Variants in GFOD1 observed in about 807,000 individuals in gnomAD.
The protein encoded by GFOD1 is glucose-fructose oxidoreductase domain-containing protein 1.
GFOD1 carries 9 observed loss-of-function variants against 25.4 expected under a neutral mutation model. That is an observed-to-expected ratio of 0.35 (90% CI 0.21 to 0.62). The LOEUF (loss-of-function observed/expected upper bound fraction) is 0.62, where lower values mean the gene tolerates loss of function less well. Ranked by LOEUF, GFOD1 falls within the 20% of genes least tolerant of loss-of-function variation. The probability of loss-of-function intolerance (pLI) is 0.72; values close to 1 mark genes in which losing one functional copy is unlikely to be tolerated. For missense variants in GFOD1, 403 were observed against 556.9 expected (o/e 0.72, Z 2.78); for synonymous variants, 253 against 245.6 (o/e 1.03, Z -0.28).
At chr6:13,426,238 G>A (rs962013037) in intron 1 of GFOD1, among the ~76,000 whole-genome samples, 14 of 152,352 alleles carry the variant, frequency 9.2e-5, no homozygotes, top group Non-Finnish European at 2.1e-4. Flanking sequence ...GGAGTTCTGG[G>A]CCAAGAAGGC....
rs1784964027 is a variant in GFOD1, at chr6:13,362,537, T to G, written c.*2206A>C. On this transcript the variant is annotated 3_prime_UTR_variant, in exon 2 of 2. Coordinates refer to ENST00000379287, the MANE Select transcript of GFOD1 (RefSeq NM_018988.4). ...CATGGGCCTCTGTTCAAACTATTAT[T>G]GGGAGACTTCCATTCCAGCAAATCT... 6.6e-6 allele frequency: 1 copy of G among 152,004 alleles called. No individual in the cohort carries two copies. The highest frequency in any genetic ancestry group is 6.6e-5 in the Admixed American group (1 of 15,262). The allele number at this position is 152,004 out of a possible 1,614,324, so 9.4% of individuals were successfully genotyped here. A position where few individuals can be genotyped will look rare whatever the true frequency, so the allele number is the denominator to read the frequency against.
intron 1 of GFOD1, among the ~76,000 whole-genome samples, chr6:13,471,463 G>C (rs1032680696): frequency 6.6e-6 from 1 of 152,202 alleles, no homozygotes; most frequent in African/African-American, 2.4e-5. Flanking sequence ...AAACCTGAGG[G>C]AAGGCGGGTG....
chr6:13,404,781 G>A (rs958648359), intron 1 of GFOD1, among the ~76,000 whole-genome samples: 3 of 152,204 alleles, frequency 2.0e-5, no homozygotes, highest in African/African-American at 7.2e-5. Flanking sequence ...GGAGTTGTCT[G>A]CATGAGTAAT....
In GFOD1 at chr6:13,430,641, A is replaced by C. The variant is rs1757733717; in HGVS notation, c.253+55997T>G. Among the ~76,000 whole-genome samples, 1 of 152,034 alleles carries C rather than the reference A, an allele frequency of 6.6e-6. No homozygotes were observed. The highest frequency in any genetic ancestry group is 2.1e-4 in the South Asian group (1 of 4,814). ...TGTGTACAATGGGGAAGACTTAATG[A>C]AAGAAGCTCTTGGAGTCCACCTATG... On this transcript the variant is annotated intron_variant, in intron 1 of 1. Coordinates refer to ENST00000379287, the MANE Select transcript of GFOD1 (RefSeq NM_018988.4). This position sits in a 1 kb window ranked among gnomAD's most constrained non-coding sequence, Gnocchi z 4.1.
intron 1 of GFOD1, among the ~76,000 whole-genome samples, chr6:13,452,213 G>C (rs1212408736): frequency 6.6e-6 from 1 of 152,128 alleles, no homozygotes; most frequent in Non-Finnish European, 1.5e-5. Context: ...ATATTGAGAG[G>C]GGGAGGATGC....
In GFOD1 at chr6:13,431,155, TG is replaced by T. The variant is rs369532213; in HGVS notation, c.253+55482del. On this transcript the variant is annotated intron_variant, in intron 1 of 1. Coordinates refer to ENST00000379287, the MANE Select transcript of GFOD1 (RefSeq NM_018988.4). ...GTTGGAGAAGGGAAACTGAAATCTA[TG>T]GGCCTGAGGTTAGTGGTGGTGGGGA... Among the ~76,000 whole-genome samples, 716 of 152,324 alleles carry T rather than the reference TG, an allele frequency of 4.7e-3. 5 individuals are homozygous for T. Among genetic ancestry groups the T allele is most frequent in the African/African-American group, 0.017 (691 of 41,552 alleles).
intron 1 of GFOD1, among the ~76,000 whole-genome samples, chr6:13,455,561 TA>T (rs1362371694): frequency 2.0e-5 from 3 of 151,872 alleles, no homozygotes; most frequent in East Asian, 1.9e-4. Flanking sequence ...GGCAAAGGAG[TA>T]AACATTAAGC....
chr6:13,469,659 A>T, intron 1 of GFOD1: 1 of 1,161,306 alleles, frequency 8.6e-7, no homozygotes, highest in Non-Finnish European at 1.1e-6. Flanking sequence ...ACACTACTGC[A>T]AAGACCTACA....
chr6:13,364,826 T>A lies in GFOD1; in HGVS notation c.1090A>T (p.Ile364Phe). 1 of 1,614,074 alleles carries A rather than the reference T, an allele frequency of 6.2e-7. No homozygotes were observed. The highest frequency in any genetic ancestry group is 8.5e-7 in the Non-Finnish European group (1 of 1,180,032). Reference sequence around the variant, plus strand: ...CTCAGCTCCGGCTCCTCGGTCATGATGGCAATGTTCTGCCACTCGCCCGTC... The same window carrying A: ...CTCAGCTCCGGCTCCTCGGTCATGAAGGCAATGTTCTGCCACTCGCCCGTC... ...SQTGEWQNIA[I>F]MTEEPELSPA... Residue 364 changes from isoleucine (I) to phenylalanine (F), a missense_variant, in exon 2 of 2, where the codon ATC becomes TTC. Ile to Phe is a conservative substitution (Grantham distance 21). Coordinates refer to ENST00000379287, the MANE Select transcript of GFOD1 (RefSeq NM_018988.4). This position sits in a 1 kb window ranked among gnomAD's most constrained non-coding sequence, Gnocchi z 4.1.
At chr6:13,381,318 G>A (rs1170860093) in intron 1 of GFOD1, among the ~76,000 whole-genome samples, 1 of 152,236 alleles carries the variant, frequency 6.6e-6, no homozygotes, top group Non-Finnish European at 1.5e-5. Flanking sequence ...CCCACAGCCT[G>A]CTTGGTGATG....
chr6:13,466,311 C>A lies in GFOD1; in HGVS notation c.253+20327G>T, dbSNP rs115281598. 1.1e-3 allele frequency among the ~76,000 whole-genome samples: 174 copies of A among 152,334 alleles called. 1 individual carries two copies. The highest frequency in any genetic ancestry group is 3.9e-3 in the African/African-American group (164 of 41,582). ...TGAGAGAAGTAAAGTAAACAGATTTCTTTTCCTTTCAAGACCCTCTCTGGG... is the reference window on the plus strand; with the variant it reads ...TGAGAGAAGTAAAGTAAACAGATTTATTTTCCTTTCAAGACCCTCTCTGGG... On this transcript the variant is annotated intron_variant, in intron 1 of 1. Transcript: ENST00000379287.
chr6:13,360,465 C>A lies in GFOD1; in HGVS notation c.*4278G>T. ...TGACAAACAAACGAACTTTAAAGCC[C>A]CACTCCCTGAGAAAGGACATTTTCC... On this transcript the variant is annotated 3_prime_UTR_variant, in exon 2 of 2. Transcript: ENST00000379287. The A allele has an allele frequency of 5.9e-6, 2 of 341,484 alleles. No homozygotes were observed. Among genetic ancestry groups the A allele is most frequent in the South Asian group, 2.2e-5 (1 of 45,014 alleles). The allele number at this position is 341,484 out of a possible 1,614,324, so 21.2% of individuals were successfully genotyped here.
chr6:13,402,044 G>C (rs756589267), intron 1 of GFOD1, among the ~76,000 whole-genome samples: 1 of 152,136 alleles, frequency 6.6e-6, no homozygotes, highest in African/African-American at 2.4e-5. Context: ...TTTATCTTAC[G>C]ATCAACAGAG....
chr6:13,465,111 C>G (rs1415787919), intron 1 of GFOD1, among the ~76,000 whole-genome samples: 1 of 152,024 alleles, frequency 6.6e-6, no homozygotes, highest in Non-Finnish European at 1.5e-5. Context: ...AAGCTTTGTA[C>G]TATCATTAAT....
At chr6:13,370,457 A>T (rs6920849) in intron 1 of GFOD1, among the ~76,000 whole-genome samples, 15,886 of 151,972 alleles carry the variant, frequency 0.1, 2,633 homozygotes, top group African/African-American at 0.35. Flanking sequence ...GGAACCCAAA[A>T]CGCAGAGCCA....
At chr6:13,473,099 T>C (rs1290325697) in intron 1 of GFOD1, among the ~76,000 whole-genome samples, 1 of 151,982 alleles carries the variant, frequency 6.6e-6, no homozygotes, top group African/African-American at 2.4e-5. Context: ...CCACCCACCA[T>C]GAAAGATGGG....
chr6:13,420,934 T>C (rs979728837), intron 1 of GFOD1, among the ~76,000 whole-genome samples: 1 of 152,180 alleles, frequency 6.6e-6, no homozygotes, highest in Non-Finnish European at 1.5e-5. Flanking sequence ...AGACAAAATA[T>C]TATCTGCAAA....
At position 13,395,660 on chromosome 6, in the gene GFOD1, C is replaced by A. The variant is rs147179415; in HGVS notation, c.254-29998G>T. Among the ~76,000 whole-genome samples the A allele has an allele frequency of 2.0e-4, 30 of 152,360 alleles. No individual in the cohort carries two copies. The East Asian group carries it at 5.8e-3, about 29-fold the overall frequency. On this transcript the variant is annotated intron_variant, in intron 1 of 1. Transcript: ENST00000379287. The stretch of plus-strand genomic sequence containing the variant: ...AATAAAGATAACTTATGTAAAGCAA[C>A]TGGCTGCCAGTACTCAGTCAGAAAT...
rs1306193837 is a variant in GFOD1 at position 13,363,910 on chromosome 6, T to TA, written c.*832dup. 6.6e-6 allele frequency: 1 copy of TA among 152,204 alleles called. No individual in the cohort carries two copies. Among genetic ancestry groups the TA allele is most frequent in the African/African-American group, 2.4e-5 (1 of 41,456 alleles). 9.4% of individuals were successfully genotyped at this position (152,204 alleles called of 1,614,324 possible). On this transcript the variant is annotated 3_prime_UTR_variant, in exon 2 of 2. Transcript: ENST00000379287. ...TCCCTCTGATACTCAATTCCACCTT[T>TA]ACTGGAAATAGTGTTATAAGGTGAC...
Sources: gnomAD v4.1 joint callset for allele counts (sites outside exome capture counted in the v4.1 genomes callset) on GRCh38, gnomAD v4.1.1 for gene constraint, Gnocchi (gnomAD v3.1) non-coding constraint, MANE v1.5 for transcripts, NCBI Gene and HGNC (gene_info 2026-07-23, HGNC 2026-07-21) for gene names.